CYFIP1: variants seen among roughly 807,000 people sequenced by gnomAD.
The protein encoded by CYFIP1 is cytoplasmic FMR1-interacting protein 1.
Under a neutral mutation model 163.5 loss-of-function variants are expected in CYFIP1, and 58 were observed. The observed-to-expected ratio is 0.35, with a 90% CI of 0.29 to 0.44. The LOEUF (loss-of-function observed/expected upper bound fraction) is 0.44, where lower values mean the gene tolerates loss of function less well. Ranked by LOEUF, CYFIP1 falls within the 20% of genes least tolerant of loss-of-function variation. The pLI is 1.00. For missense variants in CYFIP1, 1,338 were observed against 1,653.8 expected, an observed-to-expected ratio of 0.81 and a Z score of 3.31; for synonymous variants, 663 against 660.7, an observed-to-expected ratio of 1.00 and a Z score of -0.05.
intron 1 of CYFIP1, among the ~76,000 whole-genome samples, chr15:22,951,161 C>T (rs1408334011): frequency 6.6e-6 from 1 of 152,164 alleles, no homozygotes; most frequent in African/African-American, 2.4e-5. Context: ...CACCCATTTT[C>T]TCAGGAACTG....
At chr15:22,932,750 T>C (rs1566991729) in intron 10 of CYFIP1, among the ~76,000 whole-genome samples, 3 of 152,184 alleles carry the variant, frequency 2.0e-5, no homozygotes, top group Non-Finnish European at 4.4e-5. Flanking sequence ...ATCTTTATAG[T>C]TCTTCACAGA....
chr15:22,874,800 A>G (rs1434253165), intron 27 of CYFIP1, among the ~76,000 whole-genome samples, 156 bp from the exon 28 acceptor site: 1 of 152,200 alleles, frequency 6.6e-6, no homozygotes, highest in African/African-American at 2.4e-5. Flanking sequence ...CTCATTTAAT[A>G]TTTTAATTCA....
At chr15:22,908,294 T>A (rs1269604817) in intron 21 of CYFIP1, among the ~76,000 whole-genome samples, 1 of 151,984 alleles carries the variant, frequency 6.6e-6, no homozygotes, top group Non-Finnish European at 1.5e-5. Flanking sequence ...CTCTGTAGGC[T>A]CCGTGAGACA....
At chr15:22,918,101 A>C (rs958351268) in intron 14 of CYFIP1, among the ~76,000 whole-genome samples, 166 bp from the exon 15 acceptor site, 16 of 152,172 alleles carry the variant, frequency 1.1e-4, no homozygotes, top group African/African-American at 3.6e-4. Flanking sequence ...GCTCAACAGG[A>C]AAGTTAAAAA....
intron 1 of CYFIP1, among the ~76,000 whole-genome samples, chr15:22,955,551 A>ACCCAACCCCTCTCCTG (rs138137433): frequency 0.64 from 96,957 of 151,800 alleles, 31,330 homozygotes; most frequent in East Asian, 0.81. Flanking sequence ...AGGGTCAAGG[A>ACCCAACCCCTCTCCTG]CCCTGCTGGC....
At position 22,975,441 on chromosome 15, in the gene CYFIP1, C is replaced by CAAA. The variant is rs35556120; in HGVS notation, c.-7+4843_-7+4845dup. Reference sequence around the variant, plus strand: ...GCCGAGACAGAGCGAGACTCCGTCTCAAAAAAAAAAAAAAAAAAAAAAAAG... The same window carrying CAAA: ...GCCGAGACAGAGCGAGACTCCGTCTCAAAAAAAAAAAAAAAAAAAAAAAAAAAG... On this transcript the variant is annotated intron_variant, in intron 1 of 30. Transcript: ENST00000617928. Among the ~76,000 whole-genome samples, 563 of 70,928 alleles carry CAAA rather than the reference C, an allele frequency of 7.9e-3. 7 individuals carry two copies. The highest frequency in any genetic ancestry group is 0.021 in the South Asian group (29 of 1,356). 46.5% of individuals were successfully genotyped at this position (70,928 alleles called of 152,430 possible).
Position 22,870,414 on chromosome 15 carries a change from TCCTCCCACCTCAG to T in CYFIP1, c.3598-235_3598-223del, listed in dbSNP as rs1367585908. Among the ~76,000 whole-genome samples the T allele has an allele frequency of 5.3e-5, 8 of 151,872 alleles. No individual in the cohort carries two copies. In the South Asian group the frequency reaches 8.3e-4, roughly 16 times the overall value. ...CACGGCTCACTGTAGCCTCAAGACA[TCCTCCCACCTCAG>T]CCTCCTGAGTAGCTGGGACCACAGG... is the stretch of plus-strand genomic sequence containing the variant. On this transcript the variant is annotated intron_variant, in intron 30 of 30. Coordinates refer to ENST00000617928, the MANE Select transcript of CYFIP1 (RefSeq NM_014608.6).
intron 24 of CYFIP1, 45 bp from the exon 25 acceptor site, chr15:22,881,981 T>TCTGCTAACGCCTGTGGCCGGCGCATACC (rs2059778793): frequency 5.1e-6 from 8 of 1,557,828 alleles, no homozygotes; most frequent in Middle Eastern, 1.7e-4. Context: ...CCCACTCCGC[T>TCTGCTAACGCCTGTGGCCGGCGCATACC]CTGCTAACGC....
chr15:22,975,588 C>T (rs2063241812), intron 1 of CYFIP1, among the ~76,000 whole-genome samples: 1 of 152,076 alleles, frequency 6.6e-6, no homozygotes, highest in Non-Finnish European at 1.5e-5. Flanking sequence ...CAGTGAAACC[C>T]CCTCTCTACT....
intron 14 of CYFIP1, 39 bp downstream of exon 14, chr15:22,918,653 G>A (rs758145802): frequency 1.5e-5 from 22 of 1,507,994 alleles, no homozygotes; most frequent in East Asian, 7.2e-5. Context: ...ATCCGAGGAC[G>A]TGTGGGCACA....
rs1186781707 is a variant in CYFIP1, at chr15:22,867,867, G to A, written c.*2161C>T. On this transcript the variant is annotated 3_prime_UTR_variant, in exon 31 of 31. Transcript: ENST00000617928. ...GAAAATGTTTGTTTATGAAGAAGTCGATGGAAAACTGCAAACATATGCAGA... is the reference window on the plus strand; with the variant it reads ...GAAAATGTTTGTTTATGAAGAAGTCAATGGAAAACTGCAAACATATGCAGA... The A allele has an allele frequency of 6.6e-6, 1 of 152,014 alleles. No homozygotes were observed. Among genetic ancestry groups the A allele is most frequent in the East Asian group, 1.9e-4 (1 of 5,178 alleles). The allele number at this position is 152,014 out of a possible 1,614,324, so 9.4% of individuals were successfully genotyped here.
chr15:22,942,739 T>G (rs896418235), intron 6 of CYFIP1, among the ~76,000 whole-genome samples: 1 of 152,142 alleles, frequency 6.6e-6, no homozygotes, highest in Admixed American at 6.5e-5. Context: ...ATGGTGCTCA[T>G]GTGCTGGGGA....
chr15:22,908,172 C>T lies in CYFIP1; in HGVS notation c.2388+1022G>A, dbSNP rs141307425. Among the ~76,000 whole-genome samples the T allele has an allele frequency of 2.6e-3, 390 of 152,260 alleles. 3 individuals carry two copies. Among genetic ancestry groups the T allele is most frequent in the African/African-American group, 8.8e-3 (366 of 41,538 alleles). ...GACTAACTGGCAGCTCCCATTCAGA[C>T]GAACACAGCAGTGTGTGAAGACTCA... On this transcript the variant is annotated intron_variant, in intron 21 of 30. Coordinates refer to ENST00000617928, the MANE Select transcript of CYFIP1 (RefSeq NM_014608.6).
chr15:22,980,276 G>A lies in CYFIP1; in HGVS notation c.-7+11C>T, dbSNP rs898813718. On this transcript the variant is annotated intron_variant, in intron 1 of 30. Transcript: ENST00000617928. ...GCCGCAGGGCAGGCGCGGGCGAGCG[G>A]GGTTCCTCACCTGCGTCCGCGGCGG... is the stretch of plus-strand genomic sequence containing the variant. The A allele has an allele frequency of 3.3e-5, 5 of 151,876 alleles. No individual in the cohort carries two copies. Among genetic ancestry groups the A allele is most frequent in the Non-Finnish European group, 7.4e-5 (5 of 67,920 alleles). The allele number at this position is 151,876 out of a possible 1,614,324, so 9.4% of individuals were successfully genotyped here. A position where few individuals can be genotyped will look rare whatever the true frequency, so the allele number is the denominator to read the frequency against.
chr15:22,964,367 A>T (rs1466013343), intron 1 of CYFIP1, among the ~76,000 whole-genome samples: 357 of 104,248 alleles, frequency 3.4e-3, no homozygotes, highest in Middle Eastern at 0.022. Context: ...ACACACACAC[A>T]CACACACACA....
chr15:22,962,023 T>G (rs556347880), intron 1 of CYFIP1, among the ~76,000 whole-genome samples: 1 of 152,300 alleles, frequency 6.6e-6, no homozygotes, highest in African/African-American at 2.4e-5. Flanking sequence ...ATAGCCCCAG[T>G]TTCTGCAAAT....
chr15:22,938,435 T>A (rs1157377032), intron 8 of CYFIP1, among the ~76,000 whole-genome samples: 1 of 151,798 alleles, frequency 6.6e-6, no homozygotes, highest in Non-Finnish European at 1.5e-5. Flanking sequence ...TGAGATCTCA[T>A]ATCTACAAAA....
intron 24 of CYFIP1, 23 bp downstream of exon 24, chr15:22,882,845 A>T (rs1168225292): frequency 6.2e-7 from 1 of 1,601,364 alleles, no homozygotes; most frequent in Non-Finnish European, 8.5e-7. Context: ...TGTGTGAAAG[A>T]AGCATGTCCA....
intron 23 of CYFIP1, among the ~76,000 whole-genome samples, chr15:22,884,955 C>T (rs749960496): frequency 4.3e-4 from 3 of 7,004 alleles, no homozygotes; most frequent in Admixed American, 1.9e-3. Flanking sequence ...TGAAGCTGCA[C>T]GGGGATGGGG....
Sources: allele counts gnomAD v4.1 joint callset (sites outside exome capture counted in the v4.1 genomes callset), GRCh38; gene constraint gnomAD v4.1.1; transcripts MANE v1.5; gene names NCBI Gene and HGNC (gene_info 2026-07-23, HGNC 2026-07-21).